The following CHRNA7 variants were observed in gnomAD, a reference collection of about 807,000 sequenced individuals.
The protein encoded by CHRNA7 is cholinergic receptor nicotinic alpha 7 subunit.
CHRNA7 carries 17 observed loss-of-function variants against 48.0 expected under a neutral mutation model. The observed-to-expected ratio is 0.35, with a 90% CI of 0.24 to 0.53. The LOEUF is 0.53. Among genes scored for constraint, CHRNA7 ranks in the 20% least tolerant of loss-of-function variants. CHRNA7 has a pLI of 0.92. For missense variants in CHRNA7, 155 were observed against 577.7 expected, an observed-to-expected ratio of 0.27 and a Z score of 7.50; for synonymous variants, 75 against 242.3, an observed-to-expected ratio of 0.31 and a Z score of 6.41.
At chr15:32,131,565 T>A (rs1015902633) in intron 4 of CHRNA7, among the ~76,000 whole-genome samples, 2 of 152,208 alleles carry the variant, frequency 1.3e-5, no homozygotes, top group Non-Finnish European at 2.9e-5. Context: ...TGAGACTTTC[T>A]ATTTTTTCAC....
At chr15:32,081,777 T>C (rs545645221) in intron 2 of CHRNA7, among the ~76,000 whole-genome samples, 39 of 152,276 alleles carry the variant, frequency 2.6e-4, no homozygotes, top group Admixed American at 1.6e-3. Flanking sequence ...GAAAAAAAGT[T>C]CCATTATATT....
At chr15:32,079,053 C>T (rs532360045) in intron 2 of CHRNA7, among the ~76,000 whole-genome samples, 10 of 152,284 alleles carry the variant, frequency 6.6e-5, no homozygotes, top group African/African-American at 2.2e-4. Flanking sequence ...ACAAAAGCCA[C>T]TTCATTATCT....
At chr15:32,148,569 G>C (rs1174981305) in intron 4 of CHRNA7, among the ~76,000 whole-genome samples, 1 of 152,196 alleles carries the variant, frequency 6.6e-6, no homozygotes, top group Non-Finnish European at 1.5e-5. Context: ...GGGATGTGGA[G>C]GAAGGAAAGG....
chr15:32,065,089 T>A (rs572205275), intron 2 of CHRNA7, among the ~76,000 whole-genome samples: 44 of 152,246 alleles, frequency 2.9e-4, no homozygotes, highest in African/African-American at 1.0e-3. Flanking sequence ...AGAAATAAAC[T>A]AAGAGGAGAC....
At chr15:32,040,884 T>G (rs948423502) in intron 2 of CHRNA7, among the ~76,000 whole-genome samples, 1 of 152,066 alleles carries the variant, frequency 6.6e-6, no homozygotes, top group African/African-American at 2.4e-5. Flanking sequence ...TCTTCAATTT[T>G]TGCCTGAGAA....
intron 2 of CHRNA7, among the ~76,000 whole-genome samples, chr15:32,057,037 C>T (rs1294569147): frequency 6.6e-6 from 1 of 152,192 alleles, no homozygotes; most frequent in Non-Finnish European, 1.5e-5. Context: ...ATCTGATTGG[C>T]TACCACTAGG....
chr15:32,091,902 A>AT (rs1211277411), intron 2 of CHRNA7, among the ~76,000 whole-genome samples: 2 of 152,032 alleles, frequency 1.3e-5, no homozygotes, highest in Admixed American at 1.3e-4. Context: ...CATTTGTTTG[A>AT]TTTTCTCCAG....
intron 2 of CHRNA7, among the ~76,000 whole-genome samples, chr15:32,075,253 A>G (rs1366947426): frequency 6.6e-6 from 1 of 152,142 alleles, no homozygotes; most frequent in Admixed American, 6.5e-5. Context: ...TCCTCTTTCA[A>G]ATTGTGGAAG....
intron 2 of CHRNA7, among the ~76,000 whole-genome samples, chr15:32,062,875 C>T (rs1390037465): frequency 6.6e-6 from 1 of 152,160 alleles, no homozygotes; most frequent in African/African-American, 2.4e-5. Context: ...GTACAAACAT[C>T]AGAGTCTACT....
At chr15:32,112,492 A>C (rs2050779485) in intron 4 of CHRNA7, 8 of 371,460 alleles carry the variant, frequency 2.2e-5, no homozygotes, top group South Asian at 1.4e-4. Context: ...AGACAGTCTG[A>C]CTTGCAGACC....
At position 32,149,476 on chromosome 15, in the gene CHRNA7, G is replaced by C. The variant is rs2051574061; in HGVS notation, c.351-4431G>C. Among the ~76,000 whole-genome samples, 1 of 152,150 alleles carries C rather than the reference G, an allele frequency of 6.6e-6. No individual in the cohort carries two copies. Reference sequence around the variant, plus strand: ...CCTCAGATCACTGTTTTCAAACTCAGTTTTCAGCAACAGGGCCTTTCTTCA... The same window carrying C: ...CCTCAGATCACTGTTTTCAAACTCACTTTTCAGCAACAGGGCCTTTCTTCA... On this transcript the variant is annotated intron_variant, in intron 4 of 9. Transcript: ENST00000306901. The surrounding 1 kb of genome is among the most constrained non-coding windows in gnomAD (Gnocchi z 4.6).
chr15:32,135,366 A>G (rs780365357), intron 4 of CHRNA7, among the ~76,000 whole-genome samples: 6 of 152,254 alleles, frequency 3.9e-5, no homozygotes, highest in Non-Finnish European at 5.9e-5. Context: ...TCTCAGTTCA[A>G]TGGGAAAGTC....
intron 2 of CHRNA7, among the ~76,000 whole-genome samples, chr15:32,089,453 T>G (rs1253050497): frequency 6.6e-6 from 1 of 152,208 alleles, no homozygotes; most frequent in Non-Finnish European, 1.5e-5. Flanking sequence ...TTTACAAGGC[T>G]TAAATTTCAT....
intron 2 of CHRNA7, among the ~76,000 whole-genome samples, chr15:32,064,181 C>T (rs555845104): frequency 1.3e-3 from 198 of 152,138 alleles, no homozygotes; most frequent in African/African-American, 4.3e-3. Context: ...AAAGCAATGC[C>T]GTTGCTCTGT....
intron 4 of CHRNA7, among the ~76,000 whole-genome samples, chr15:32,120,003 G>C (rs1010906765): frequency 6.6e-6 from 1 of 152,198 alleles, no homozygotes; most frequent in Admixed American, 6.5e-5. Flanking sequence ...GCAGCTCCTG[G>C]TCTTCAGCAC....
intron 4 of CHRNA7, among the ~76,000 whole-genome samples, chr15:32,151,344 T>C (rs1327447081): frequency 6.6e-6 from 1 of 152,172 alleles, no homozygotes; most frequent in Non-Finnish European, 1.5e-5. Flanking sequence ...ATCTCCAGGT[T>C]TAATCTAAAA....
intron 2 of CHRNA7, among the ~76,000 whole-genome samples, chr15:32,068,797 CAGGA>C (rs1159647842): frequency 2.0e-5 from 3 of 151,854 alleles, no homozygotes; most frequent in Non-Finnish European, 4.4e-5. Context: ...GTAAACTGGT[CAGGA>C]ATATATCACA....
At chr15:32,084,803 A>G (rs1176202679) in intron 2 of CHRNA7, among the ~76,000 whole-genome samples, 1 of 149,424 alleles carries the variant, frequency 6.7e-6, no homozygotes, top group Admixed American at 6.7e-5. Context: ...GCCTGCACTC[A>G]TACCTATGCT....
chr15:32,064,522 G>A (rs1029056473), intron 2 of CHRNA7, among the ~76,000 whole-genome samples: 15 of 151,822 alleles, frequency 9.9e-5, no homozygotes, highest in Non-Finnish European at 1.3e-4. Flanking sequence ...TGTGGTGTGT[G>A]CAGGCAGGGG....
Sources: gnomAD v4.1 joint callset for allele counts (sites outside exome capture counted in the v4.1 genomes callset) on GRCh38, gnomAD v4.1.1 for gene constraint, Gnocchi (gnomAD v3.1) non-coding constraint, MANE v1.5 for transcripts, NCBI Gene and HGNC (gene_info 2026-07-23, HGNC 2026-07-21) for gene names.